CSMD1: variants seen among roughly 807,000 people sequenced by gnomAD.
The protein encoded by CSMD1 is CUB and sushi domain-containing protein 1.
CSMD1 carries 213 observed loss-of-function variants against 417.5 expected under a neutral mutation model. That is an observed-to-expected ratio of 0.51 (90% CI 0.46 to 0.57). CSMD1 has a LOEUF of 0.57. CSMD1 is among the 20% of genes least tolerant of loss of function. The pLI is 0.00. For synonymous variants in CSMD1, 2,862 were observed against 1,736.8 expected (o/e 1.65, Z -16.11); for missense variants, 6,923 against 4,529.7 (o/e 1.53, Z -15.17).
chr8:4,950,823 A>C (rs1164916901), intron 1 of CSMD1, among the ~76,000 whole-genome samples: 1 of 152,096 alleles, frequency 6.6e-6, no homozygotes, highest in African/African-American at 2.4e-5. Context: ...CTTGGTGACC[A>C]TTAGGAGCAC....
At chr8:4,453,274 A>G (rs1025448698) in intron 2 of CSMD1, among the ~76,000 whole-genome samples, 2 of 151,838 alleles carry the variant, frequency 1.3e-5, no homozygotes, top group Non-Finnish European at 2.9e-5. Context: ...TAATGTAACC[A>G]AAACATGAAT....
chr8:3,667,387 G>A (rs955648091), intron 7 of CSMD1, among the ~76,000 whole-genome samples: 1 of 152,126 alleles, frequency 6.6e-6, no homozygotes, highest in East Asian at 1.9e-4. Context: ...GGTCTCGGAG[G>A]AGTGAAAATT....
intron 5 of CSMD1, among the ~76,000 whole-genome samples, chr8:3,901,694 G>C (rs1445383111): frequency 6.6e-6 from 1 of 152,196 alleles, no homozygotes; most frequent in Non-Finnish European, 1.5e-5. Flanking sequence ...AACTTTATTA[G>C]ATTTTGAAAT....
At chr8:3,675,459 G>T (rs938586728) in intron 7 of CSMD1, among the ~76,000 whole-genome samples, 1 of 152,180 alleles carries the variant, frequency 6.6e-6, no homozygotes, top group Non-Finnish European at 1.5e-5. Flanking sequence ...TCCAAGAGAA[G>T]GTGATTGCAA....
chr8:4,805,715 A>G (rs1472395335), intron 1 of CSMD1, among the ~76,000 whole-genome samples: 2 of 152,230 alleles, frequency 1.3e-5, no homozygotes, highest in African/African-American at 2.4e-5. Context: ...CTCATAAAGC[A>G]TTATATTATA....
At chr8:3,740,079 AC>A (rs1796716640) in intron 6 of CSMD1, among the ~76,000 whole-genome samples, 1 of 152,180 alleles carries the variant, frequency 6.6e-6, no homozygotes, top group Admixed American at 6.5e-5. Context: ...AAAAGATGCA[AC>A]AAAGGTATTC....
At chr8:4,079,777 G>A (rs149803711) in intron 3 of CSMD1, among the ~76,000 whole-genome samples, 94 of 152,150 alleles carry the variant, frequency 6.2e-4, no homozygotes, top group Non-Finnish European at 1.1e-3. Flanking sequence ...AATAACCCAT[G>A]TTCTCTTTTC....
intron 5 of CSMD1, among the ~76,000 whole-genome samples, chr8:3,850,052 T>G (rs904416425): frequency 6.6e-6 from 1 of 152,160 alleles, no homozygotes; most frequent in Non-Finnish European, 1.5e-5. Flanking sequence ...AGCCTCAGCC[T>G]CTCAAAGTGT....
intron 2 of CSMD1, among the ~76,000 whole-genome samples, chr8:4,607,671 A>T (rs1176703048): frequency 6.5e-4 from 99 of 151,846 alleles, no homozygotes; most frequent in Non-Finnish European, 2.1e-4. Context: ...CTTCCAAAAA[A>T]TTTCCACCTT....
At chr8:4,702,039 A>G (rs1563173894) in intron 1 of CSMD1, among the ~76,000 whole-genome samples, 1 of 152,222 alleles carries the variant, frequency 6.6e-6, no homozygotes, top group African/African-American at 2.4e-5. Context: ...CTTCTCACTT[A>G]TAAGTGGGAG....
At position 3,325,653 on chromosome 8, in the gene CSMD1, G is replaced by A. The variant is rs528775760; in HGVS notation, c.3632-17150C>T. The stretch of plus-strand genomic sequence containing the variant: ...AGCCTGCTCAGCGTGGTGAAACCCC[G>A]TCTCTACTAAAAATACAGAAGTTAG... On this transcript the variant is annotated intron_variant, in intron 23 of 69. Transcript: ENST00000635120. Among the ~76,000 whole-genome samples, 15 of 152,210 alleles carry A rather than the reference G, an allele frequency of 9.9e-5. No individual in the cohort carries two copies. The South Asian group carries it at 1.7e-3, about 17-fold the overall frequency.
intron 2 of CSMD1, among the ~76,000 whole-genome samples, chr8:4,596,267 A>T (rs1457326044): frequency 6.6e-6 from 1 of 152,198 alleles, no homozygotes; most frequent in Admixed American, 6.5e-5. Flanking sequence ...TGTTAAGTAA[A>T]AGCGGGAAGC....
At chr8:3,150,829 A>G (rs906066372) in intron 40 of CSMD1, among the ~76,000 whole-genome samples, 3 of 152,188 alleles carry the variant, frequency 2.0e-5, no homozygotes, top group African/African-American at 7.2e-5. Context: ...GAGGCCAGAA[A>G]AAGGTTCTAT....
intron 5 of CSMD1, among the ~76,000 whole-genome samples, chr8:3,961,753 T>G (rs922493472): frequency 2.0e-5 from 3 of 152,200 alleles, no homozygotes; most frequent in Non-Finnish European, 2.9e-5. Flanking sequence ...AGCCCGGTCT[T>G]TCATGATGAA....
chr8:3,442,581 T>A (rs1815054800), intron 12 of CSMD1, among the ~76,000 whole-genome samples: 1 of 152,234 alleles, frequency 6.6e-6, no homozygotes, highest in South Asian at 2.1e-4. Context: ...CAATAGGCTG[T>A]ACCATATATC....
intron 3 of CSMD1, among the ~76,000 whole-genome samples, chr8:4,288,322 G>A (rs1797173396): frequency 1.3e-5 from 2 of 152,056 alleles, no homozygotes; most frequent in South Asian, 2.1e-4. Flanking sequence ...CACCCTGAAG[G>A]GCTCCCTTCA....
intron 5 of CSMD1, among the ~76,000 whole-genome samples, chr8:3,964,312 C>G (rs991803219): frequency 3.9e-5 from 6 of 152,168 alleles, no homozygotes; most frequent in African/African-American, 1.2e-4. Context: ...AGTCACGCGG[C>G]CATAAGTCTC....
intron 1 of CSMD1, among the ~76,000 whole-genome samples, chr8:4,790,610 C>G (rs1042284085): frequency 3.9e-5 from 6 of 152,154 alleles, no homozygotes; most frequent in Non-Finnish European, 5.9e-5. Context: ...ACTAAAACAG[C>G]ACGGTACTGG....
At chr8:4,182,311 G>T (rs1412699305) in intron 3 of CSMD1, among the ~76,000 whole-genome samples, 1 of 152,012 alleles carries the variant, frequency 6.6e-6, no homozygotes, top group Non-Finnish European at 1.5e-5. Flanking sequence ...GCTTGCCCTT[G>T]GTTTCAGTAA....
Sources: gnomAD v4.1 joint callset for allele counts (sites outside exome capture counted in the v4.1 genomes callset) on GRCh38, gnomAD v4.1.1 for gene constraint, MANE v1.5 for transcripts, NCBI Gene and HGNC (gene_info 2026-07-23, HGNC 2026-07-21) for gene names.